The following STPG2 variants were observed in gnomAD, a reference collection of about 807,000 sequenced individuals.
STPG2 encodes the protein sperm-tail PG-rich repeat-containing protein 2.
STPG2 carries 56 observed loss-of-function variants against 54.2 expected under a neutral mutation model. The observed-to-expected ratio is 1.03, with a 90% CI of 0.83 to 1.29. STPG2 has a LOEUF of 1.29. Ranked by LOEUF, STPG2 falls within the 50% of genes most tolerant of loss-of-function variation. STPG2 has a pLI of 0.00. For synonymous variants in STPG2, 200 were observed against 181.8 expected (o/e 1.10, Z -0.81); for missense variants, 596 against 544.9 (o/e 1.09, Z -0.93).
At chr4:97,631,147 T>A (rs941138059) in intron 10 of STPG2, among the ~76,000 whole-genome samples, 2 of 152,018 alleles carry the variant, frequency 1.3e-5, no homozygotes, top group African/African-American at 4.8e-5. Flanking sequence ...AAAGATTCTA[T>A]CAAGGATAAG....
intron 5 of STPG2, among the ~76,000 whole-genome samples, chr4:97,983,458 T>C (rs954275501): frequency 1.3e-5 from 2 of 152,184 alleles, no homozygotes; most frequent in Admixed American, 1.3e-4. Context: ...TGTTCAGAGG[T>C]CAACTGTACT....
chr4:97,607,271 C>CTT (rs10681197), intron 10 of STPG2, among the ~76,000 whole-genome samples: 17,987 of 151,960 alleles, frequency 0.12, 3,150 homozygotes, highest in African/African-American at 0.39. Context: ...CTCTCTCTCT[C>CTT]CCTCTCTTTT....
At chr4:97,875,849 T>C (rs1225454755) in intron 8 of STPG2, among the ~76,000 whole-genome samples, 1 of 152,032 alleles carries the variant, frequency 6.6e-6, no homozygotes, top group Non-Finnish European at 1.5e-5. Flanking sequence ...CTTTCTTTCA[T>C]TTCACAATCA....
chr4:97,981,833 TTA>T (rs3047345), intron 5 of STPG2, among the ~76,000 whole-genome samples: 3,197 of 143,340 alleles, frequency 0.022, 42 homozygotes, highest in South Asian at 0.065. Flanking sequence ...TATAAAATGT[TTA>T]TATATATATA....
chr4:97,920,182 A>C (rs183179268), intron 8 of STPG2, among the ~76,000 whole-genome samples: 2 of 152,330 alleles, frequency 1.3e-5, no homozygotes, highest in East Asian at 3.9e-4. Context: ...TGTATCAGAC[A>C]TCAATCTAGT....
Position 97,645,318 on chromosome 4 carries a change from A to G in STPG2, c.1320+67381T>C, listed in dbSNP as rs1004878048. Among the ~76,000 whole-genome samples, 3 of 152,130 alleles carry G rather than the reference A, an allele frequency of 2.0e-5. No homozygotes were observed. In the South Asian group the frequency reaches 6.2e-4, roughly 31 times the overall value. On this transcript the variant is annotated intron_variant, in intron 10 of 10. Coordinates refer to ENST00000295268, the MANE Select transcript of STPG2 (RefSeq NM_174952.3). ...AAGTATCTTGCTGAAAAAAAAAAAAAAGAATTCAGCAGTACAGCAATGTGA... is the reference window on the plus strand; with the variant it reads ...AAGTATCTTGCTGAAAAAAAAAAAAGAGAATTCAGCAGTACAGCAATGTGA...
rs373455032 is a variant in STPG2 at position 98,032,626 on chromosome 4, T to C, written c.613-51308A>G. On this transcript the variant is annotated intron_variant, in intron 5 of 10. Coordinates refer to ENST00000295268, the MANE Select transcript of STPG2 (RefSeq NM_174952.3). ...CATCTACAGAACTCTCCACCCCAAA[T>C]CAACAGAATATACATTTTTCTCAGC... Among the ~76,000 whole-genome samples the C allele has an allele frequency of 2.6e-5, 4 of 152,138 alleles. No individual in the cohort carries two copies. The South Asian group carries it at 6.2e-4, about 24-fold the overall frequency.
At chr4:97,985,945 CACAA>C (rs962734445) in intron 5 of STPG2, among the ~76,000 whole-genome samples, 2 of 136,322 alleles carry the variant, frequency 1.5e-5, no homozygotes, top group Admixed American at 7.1e-5. Context: ...CGTGAGCGCA[CACAA>C]ACACACACAC....
chr4:97,924,876 A>T (rs1159145174), intron 8 of STPG2, among the ~76,000 whole-genome samples: 1 of 152,150 alleles, frequency 6.6e-6, no homozygotes, highest in African/African-American at 2.4e-5. Context: ...TTTCACTCCC[A>T]CATTTTCTAC....
rs60854805 is a variant in STPG2, at chr4:97,585,101, C to CAAAA, written c.1321-25988_1321-25985dup. On this transcript the variant is annotated intron_variant, in intron 10 of 10. Coordinates refer to ENST00000295268, the MANE Select transcript of STPG2 (RefSeq NM_174952.3). ...ACCAGGAAAGGACATAAAATATTCT[C>CAAAA]AAAAAAAAAAAAAAAAAAAAAAACA... Among the ~76,000 whole-genome samples, 15 of 46,252 alleles carry CAAAA rather than the reference C, an allele frequency of 3.2e-4. 2 individuals carry two copies. The highest frequency in any genetic ancestry group is 1.2e-3 in the African/African-American group (10 of 8,088). 30.3% of individuals were successfully genotyped at this position (46,252 alleles called of 152,430 possible).
intron 10 of STPG2, among the ~76,000 whole-genome samples, chr4:97,631,685 C>T (rs1268399545): frequency 6.6e-6 from 1 of 152,024 alleles, no homozygotes; most frequent in Non-Finnish European, 1.5e-5. Context: ...AATGCTCTCA[C>T]AGCCACCATA....
At chr4:97,520,483 C>A (rs1242706097) in intron 4 of STPG2, among the ~76,000 whole-genome samples, 1 of 152,042 alleles carries the variant, frequency 6.6e-6, no homozygotes, top group Non-Finnish European at 1.5e-5. Flanking sequence ...TAATAACCAC[C>A]TTTGGATCCT....
At chr4:97,789,861 C>T (rs567516248) in intron 9 of STPG2, among the ~76,000 whole-genome samples, 1 of 152,202 alleles carries the variant, frequency 6.6e-6, no homozygotes, top group South Asian at 2.1e-4. Flanking sequence ...GCAAAGACAG[C>T]AAGCAATCTT....
intron 9 of STPG2, among the ~76,000 whole-genome samples, chr4:97,829,137 C>T (rs769652031): frequency 2.0e-5 from 3 of 152,050 alleles, no homozygotes; most frequent in Non-Finnish European, 2.9e-5. Flanking sequence ...GGCTGGCATC[C>T]GGTGGGTGCC....
chr4:98,114,712 A>C (rs1739457041), intron 3 of STPG2, among the ~76,000 whole-genome samples: 1 of 112,584 alleles, frequency 8.9e-6, no homozygotes, highest in South Asian at 3.2e-4. Flanking sequence ...GTATGTGTAC[A>C]TGTGCACACA....
At chr4:97,662,250 C>T (rs906560473) in intron 10 of STPG2, among the ~76,000 whole-genome samples, 2 of 152,002 alleles carry the variant, frequency 1.3e-5, no homozygotes, top group African/African-American at 4.8e-5. Context: ...AAAGAAGACA[C>T]ACAAGCAGCC....
intron 5 of STPG2, among the ~76,000 whole-genome samples, chr4:98,030,560 G>A (rs1187962446): frequency 1.3e-5 from 2 of 152,096 alleles, no homozygotes; most frequent in East Asian, 1.9e-4. Flanking sequence ...AACCAGAAAA[G>A]AGCCTGAAAA....
rs375698892 is a variant in STPG2, at chr4:98,090,922, T to C, written c.612+15031A>G. ...AAGACACTTATGCCTATATAATAGA[T>C]GCTAAAAATAACCTGATTCTCCAAT... On this transcript the variant is annotated intron_variant, in intron 5 of 10. Coordinates refer to ENST00000295268, the MANE Select transcript of STPG2 (RefSeq NM_174952.3). 1.1e-4 allele frequency among the ~76,000 whole-genome samples: 16 copies of C among 150,496 alleles called. 1 individual carries two copies. The highest frequency in any genetic ancestry group is 3.9e-4 in the African/African-American group (16 of 41,012).
chr4:97,571,981 C>T (rs1732613417), intron 10 of STPG2, among the ~76,000 whole-genome samples: 1 of 152,110 alleles, frequency 6.6e-6, no homozygotes, highest in African/African-American at 2.4e-5. Context: ...TGGACTTCAC[C>T]ATTTGCTACA....
Sources: allele counts gnomAD v4.1 joint callset (sites outside exome capture counted in the v4.1 genomes callset), GRCh38; gene constraint gnomAD v4.1.1; transcripts MANE v1.5; gene names NCBI Gene and HGNC (gene_info 2026-07-23, HGNC 2026-07-21).